CADM1: variants seen among roughly 807,000 people sequenced by gnomAD.
The protein encoded by CADM1 is cell adhesion molecule 1.
In CADM1, 15 loss-of-function variants were observed where a neutral mutation model predicts 53.1. The ratio of observed to expected loss-of-function variants is 0.28; its 90% CI spans 0.19 to 0.44. The LOEUF is 0.44. Among genes scored for constraint, CADM1 ranks in the 20% least tolerant of loss-of-function variants. CADM1 has a pLI of 1.00. For missense variants in CADM1, 434 were observed against 611.3 expected, an observed-to-expected ratio of 0.71 and a Z score of 3.06; for synonymous variants, 281 against 243.0, an observed-to-expected ratio of 1.16 and a Z score of -1.45.
chr11:115,468,160 G>T (rs945761115), intron 1 of CADM1, among the ~76,000 whole-genome samples: 6 of 152,150 alleles, frequency 3.9e-5, no homozygotes, highest in Admixed American at 2.0e-4. Flanking sequence ...CCTACTTCCA[G>T]TGTTTACCAA....
chr11:115,294,770 C>T (rs548106905), intron 1 of CADM1, among the ~76,000 whole-genome samples: 1 of 151,254 alleles, frequency 6.6e-6, no homozygotes, highest in African/African-American at 2.4e-5. Flanking sequence ...GCGCAGTGCT[C>T]ACGCCTGTAA....
chr11:115,348,437 C>T lies in CADM1; in HGVS notation c.125-108017G>A, dbSNP rs140947551. Among the ~76,000 whole-genome samples the T allele has an allele frequency of 1.6e-4, 25 of 152,232 alleles. No individual in the cohort carries two copies. In the East Asian group the frequency reaches 4.1e-3, roughly 25 times the overall value. On this transcript the variant is annotated intron_variant, in intron 1 of 11. Transcript: ENST00000331581. ...TTCCAATTCTCCTAAAGATTAGCTC[C>T]GTGTAGTTTAAATTAAAGGCACTCA...
Position 115,291,188 on chromosome 11 carries a change from G to A in CADM1, c.125-50768C>T, listed in dbSNP as rs140432927. The stretch of plus-strand genomic sequence containing the variant: ...GCCTTCCTAGAGATTCTTAACTGGA[G>A]GATGTGTGTTCCAGGAAATGATTAA... On this transcript the variant is annotated intron_variant, in intron 1 of 11. Coordinates refer to ENST00000331581, the MANE Select transcript of CADM1 (RefSeq NM_001301043.2). 3.3e-3 allele frequency among the ~76,000 whole-genome samples: 504 copies of A among 152,188 alleles called. 3 individuals are homozygous for A. Among genetic ancestry groups the A allele is most frequent in the African/African-American group, 0.012 (478 of 41,502 alleles).
intron 1 of CADM1, among the ~76,000 whole-genome samples, chr11:115,418,972 A>C (rs961940017): frequency 1.3e-5 from 2 of 152,210 alleles, no homozygotes; most frequent in African/African-American, 4.8e-5. Context: ...AAGGAAAAGG[A>C]ATCTGAACTG....
intron 1 of CADM1, among the ~76,000 whole-genome samples, chr11:115,437,064 C>G (rs1948199611): frequency 6.6e-6 from 1 of 152,110 alleles, no homozygotes; most frequent in African/African-American, 2.4e-5. Context: ...ATCTGAGCAG[C>G]ATCAAGAATT....
At chr11:115,283,022 C>T (rs573081878) in intron 1 of CADM1, among the ~76,000 whole-genome samples, 1 of 152,116 alleles carries the variant, frequency 6.6e-6, no homozygotes, top group Non-Finnish European at 1.5e-5. Context: ...ACACGATATA[C>T]TAAAGACAGC....
chr11:115,306,874 T>C (rs1275890397), intron 1 of CADM1, among the ~76,000 whole-genome samples: 2 of 151,998 alleles, frequency 1.3e-5, no homozygotes, highest in Non-Finnish European at 2.9e-5. Flanking sequence ...GCACTTTCTA[T>C]TCATTACTGG....
chr11:115,213,268 C>T (rs1941038843), intron 7 of CADM1, among the ~76,000 whole-genome samples: 1 of 152,180 alleles, frequency 6.6e-6, no homozygotes, highest in African/African-American at 2.4e-5. Flanking sequence ...CTCTGCATAT[C>T]GCCAGCTGAA....
intron 1 of CADM1, among the ~76,000 whole-genome samples, chr11:115,294,220 T>C (rs1943986608): frequency 6.6e-6 from 1 of 152,124 alleles, no homozygotes; most frequent in Admixed American, 6.6e-5. Context: ...ACAAGGAACC[T>C]GGGCTGCCTT....
At chr11:115,225,129 A>T (rs1941554983) in intron 5 of CADM1, among the ~76,000 whole-genome samples, 2 of 152,196 alleles carry the variant, frequency 1.3e-5, no homozygotes, top group African/African-American at 2.4e-5. Context: ...TGAAAGCTAG[A>T]AAACTAAGAG....
At chr11:115,183,934 G>A (rs1039287356) in intron 10 of CADM1, among the ~76,000 whole-genome samples, 5 of 152,136 alleles carry the variant, frequency 3.3e-5, no homozygotes, top group Non-Finnish European at 7.4e-5. Flanking sequence ...GAATTGTTGC[G>A]GACTTTTTTG....
At chr11:115,180,837 T>C (rs1036909911) in intron 10 of CADM1, among the ~76,000 whole-genome samples, 4 of 152,058 alleles carry the variant, frequency 2.6e-5, no homozygotes, top group Admixed American at 6.5e-5. Context: ...GCTGTCAAAA[T>C]AGGGAATCTT....
chr11:115,332,697 C>T (rs1475464479), intron 1 of CADM1, among the ~76,000 whole-genome samples: 1 of 152,080 alleles, frequency 6.6e-6, no homozygotes, highest in Admixed American at 6.5e-5. Context: ...CTTAACCCAT[C>T]CTTTGCTTGA....
intron 1 of CADM1, among the ~76,000 whole-genome samples, chr11:115,298,635 G>C (rs1454677557): frequency 6.6e-6 from 1 of 152,216 alleles, no homozygotes; most frequent in Non-Finnish European, 1.5e-5. Flanking sequence ...TACCAGCGTG[G>C]TGAGTTTTTG....
At chr11:115,320,408 T>C (rs939064589) in intron 1 of CADM1, among the ~76,000 whole-genome samples, 3 of 152,136 alleles carry the variant, frequency 2.0e-5, no homozygotes, top group Non-Finnish European at 4.4e-5. Flanking sequence ...TATAAAGAAA[T>C]GAAATACCAA....
At chr11:115,318,155 A>G (rs1365633536) in intron 1 of CADM1, among the ~76,000 whole-genome samples, 1 of 152,166 alleles carries the variant, frequency 6.6e-6, no homozygotes, top group African/African-American at 2.4e-5. Flanking sequence ...CTAAACCTAT[A>G]CTTTCAGAAC....
chr11:115,471,685 C>T lies in CADM1; in HGVS notation c.124+32586G>A, dbSNP rs544684633. Among the ~76,000 whole-genome samples the T allele has an allele frequency of 3.8e-4, 58 of 152,270 alleles. 1 individual carries two copies. The Middle Eastern group carries it at 0.017, about 45-fold the overall frequency. ...CTAACATGTTCCCAGATTCTGTTGA[C>T]GCTGCTGGCCTGGGCACAATATGGG... is the stretch of plus-strand genomic sequence containing the variant. On this transcript the variant is annotated intron_variant, in intron 1 of 11. Coordinates refer to ENST00000331581, the MANE Select transcript of CADM1 (RefSeq NM_001301043.2).
intron 1 of CADM1, among the ~76,000 whole-genome samples, chr11:115,305,327 C>T (rs1344740440): frequency 6.6e-6 from 1 of 152,026 alleles, no homozygotes; most frequent in Non-Finnish European, 1.5e-5. Context: ...ATACACAGAC[C>T]TCAACCCAGT....
chr11:115,263,570 T>C (rs776208865), intron 1 of CADM1, among the ~76,000 whole-genome samples: 1 of 152,346 alleles, frequency 6.6e-6, no homozygotes. Flanking sequence ...TTTCCTCCCA[T>C]TTATTTATTC....
Sources: allele counts gnomAD v4.1 joint callset (sites outside exome capture counted in the v4.1 genomes callset), GRCh38; gene constraint gnomAD v4.1.1; transcripts MANE v1.5; gene names NCBI Gene and HGNC (gene_info 2026-07-23, HGNC 2026-07-21).